Variants in LDB2 observed in about 807,000 individuals in gnomAD.
LDB2 encodes LIM domain-binding protein 2.
LDB2 carries 12 observed loss-of-function variants against 44.3 expected under a neutral mutation model. The ratio of observed to expected loss-of-function variants is 0.27; its 90% CI spans 0.17 to 0.44. LDB2 has a LOEUF of 0.44. Ranked by LOEUF, LDB2 falls within the 20% of genes least tolerant of loss-of-function variation. LDB2 has a pLI of 1.00. For synonymous variants in LDB2, 164 were observed against 174.8 expected (o/e 0.94, Z 0.49); for missense variants, 344 against 473.5 (o/e 0.73, Z 2.54).
chr4:16,676,725 G>A (rs1578698362), intron 2 of LDB2, among the ~76,000 whole-genome samples: 1 of 152,346 alleles, frequency 6.6e-6, no homozygotes. Context: ...TGGGACACTT[G>A]CTTTCAGAAA....
intron 2 of LDB2, among the ~76,000 whole-genome samples, chr4:16,606,067 C>G (rs12511829): frequency 0.4 from 60,070 of 152,016 alleles, 12,436 homozygotes; most frequent in East Asian, 0.63. Flanking sequence ...CACTTCCTAG[C>G]TCACCTTTTT....
chr4:16,553,012 AGT>A lies in LDB2; in HGVS notation c.615+32908_615+32909del, dbSNP rs1405199221. Reference sequence around the variant, plus strand: ...GATTACCAATCACTCTCACACATCCAGTGTAGACAACACAGCTCCAAATCTCC... The same window carrying A: ...GATTACCAATCACTCTCACACATCCAGTAGACAACACAGCTCCAAATCTCC... On this transcript the variant is annotated intron_variant, in intron 5 of 7. Transcript: ENST00000304523. Among the ~76,000 whole-genome samples, 10 of 152,324 alleles carry A rather than the reference AGT, an allele frequency of 6.6e-5. No individual in the cohort carries two copies. In the East Asian group the frequency reaches 1.9e-3, roughly 29 times the overall value.
chr4:16,727,603 AC>A (rs1199470970), intron 2 of LDB2, among the ~76,000 whole-genome samples: 1 of 152,202 alleles, frequency 6.6e-6, no homozygotes, highest in Non-Finnish European at 1.5e-5. Flanking sequence ...ACAAGAGATG[AC>A]ATTTTGCTTT....
chr4:16,692,178 T>C (rs958515119), intron 2 of LDB2, among the ~76,000 whole-genome samples: 7 of 152,152 alleles, frequency 4.6e-5, no homozygotes, highest in Non-Finnish European at 1.0e-4. Context: ...CATGTGAGTA[T>C]TAGGACATCA....
intron 2 of LDB2, among the ~76,000 whole-genome samples, chr4:16,719,983 G>C (rs1198883322): frequency 3.3e-5 from 5 of 152,050 alleles, no homozygotes; most frequent in Admixed American, 1.3e-4. Flanking sequence ...TAAAATCAAA[G>C]CTAATTTAAA....
intron 5 of LDB2, among the ~76,000 whole-genome samples, chr4:16,522,664 T>TAC (rs1726677428): frequency 6.6e-6 from 1 of 152,138 alleles, no homozygotes. Flanking sequence ...AATGTAAATA[T>TAC]ACACACACAC....
intron 1 of LDB2, among the ~76,000 whole-genome samples, chr4:16,848,512 A>G (rs1787541557): frequency 6.6e-6 from 1 of 152,220 alleles, no homozygotes; most frequent in Non-Finnish European, 1.5e-5. Flanking sequence ...TCTAGTTAGC[A>G]TGTGGAAGAA....
At chr4:16,747,763 C>A (rs1040580180) in intron 2 of LDB2, among the ~76,000 whole-genome samples, 1 of 151,986 alleles carries the variant, frequency 6.6e-6, no homozygotes, top group African/African-American at 2.4e-5. Flanking sequence ...TGATTTTTAT[C>A]TGGAATATCG....
chr4:16,879,860 A>G (rs1242374422), intron 1 of LDB2, among the ~76,000 whole-genome samples: 1 of 152,148 alleles, frequency 6.6e-6, no homozygotes. Flanking sequence ...TAACATCTCC[A>G]TGAAGCCTCA....
At chr4:16,518,272 C>T (rs1048765054) in intron 5 of LDB2, among the ~76,000 whole-genome samples, 6 of 152,154 alleles carry the variant, frequency 3.9e-5, no homozygotes, top group African/African-American at 1.4e-4. Flanking sequence ...CATCTCATTG[C>T]CCGAATCTCA....
intron 2 of LDB2, among the ~76,000 whole-genome samples, chr4:16,658,887 C>T (rs539067080): frequency 2.6e-5 from 4 of 152,220 alleles, no homozygotes; most frequent in East Asian, 1.9e-4. Context: ...CCCAAGGTCT[C>T]GAAACCTAAG....
At chr4:16,643,266 C>T (rs1253738252) in intron 2 of LDB2, among the ~76,000 whole-genome samples, 1 of 152,142 alleles carries the variant, frequency 6.6e-6, no homozygotes, top group East Asian at 1.9e-4. Flanking sequence ...GCATGACATA[C>T]CTACGTTCAA....
At chr4:16,690,534 GAGGGAGGT>G (rs1190417827) in intron 2 of LDB2, among the ~76,000 whole-genome samples, 82 of 63,292 alleles carry the variant, frequency 1.3e-3, no homozygotes, top group Non-Finnish European at 1.8e-3. Flanking sequence ...GGGAGGGAGG[GAGGGAGGT>G]TGGGGAAAGG....
intron 1 of LDB2, among the ~76,000 whole-genome samples, chr4:16,815,482 G>A (rs938648137): frequency 6.6e-6 from 1 of 152,146 alleles, no homozygotes; most frequent in Non-Finnish European, 1.5e-5. Flanking sequence ...AAGGTTATGT[G>A]GTGTTTATTG....
At chr4:16,545,430 G>T (rs1735421847) in intron 5 of LDB2, among the ~76,000 whole-genome samples, 1 of 152,138 alleles carries the variant, frequency 6.6e-6, no homozygotes, top group Admixed American at 6.6e-5. Context: ...AGCGCTGCTG[G>T]TACTTTCCTT....
intron 1 of LDB2, among the ~76,000 whole-genome samples, chr4:16,876,452 A>G (rs1247501432): frequency 6.6e-6 from 1 of 152,218 alleles, no homozygotes; most frequent in Non-Finnish European, 1.5e-5. Flanking sequence ...ACCCTAATGT[A>G]TTCATATTGC....
chr4:16,735,451 G>C (rs1160185913), intron 2 of LDB2, among the ~76,000 whole-genome samples: 1 of 152,056 alleles, frequency 6.6e-6, no homozygotes, highest in Non-Finnish European at 1.5e-5. Flanking sequence ...TGTGTAGTTA[G>C]TGCCCACTGT....
intron 1 of LDB2, among the ~76,000 whole-genome samples, chr4:16,807,583 G>A (rs1779023094): frequency 6.6e-6 from 1 of 152,158 alleles, no homozygotes. Context: ...AATCACAAAA[G>A]ATCATTGGCT....
At chr4:16,723,633 T>G (rs994961522) in intron 2 of LDB2, among the ~76,000 whole-genome samples, 3 of 152,156 alleles carry the variant, frequency 2.0e-5, no homozygotes, top group Admixed American at 2.0e-4. Context: ...TCTCTTGATT[T>G]TAACCTTATT....
Sources: allele counts gnomAD v4.1 joint callset (sites outside exome capture counted in the v4.1 genomes callset), GRCh38; gene constraint gnomAD v4.1.1; transcripts MANE v1.5; gene names NCBI Gene and HGNC (gene_info 2026-07-23, HGNC 2026-07-21).